Variants in CAST observed in about 807,000 individuals in gnomAD.
The protein encoded by CAST is calpastatin.
A neutral mutation model predicts 119.6 loss-of-function variants in CAST; 76 were observed. The observed-to-expected ratio is 0.64, with a 90% CI of 0.53 to 0.77. The LOEUF (loss-of-function observed/expected upper bound fraction) is 0.77, where lower values mean the gene tolerates loss of function less well. Ranked by LOEUF, CAST falls within the 30% of genes least tolerant of loss-of-function variation. The pLI is 0.00. For synonymous variants in CAST, 319 were observed against 331.6 expected (o/e 0.96, Z 0.41); for missense variants, 953 against 946.5 (o/e 1.01, Z -0.09).
At chr5:96,255,369 A>G in the CAST span, among the ~76,000 whole-genome samples, 2 of 152,172 alleles carry the variant, frequency 1.3e-5, no homozygotes, top group African/African-American at 4.8e-5. Context: ...TTATTTATTA[A>G]ACTTGCTGAA....
At chr5:96,296,466 T>C in the CAST span, among the ~76,000 whole-genome samples, 1 of 152,230 alleles carries the variant, frequency 6.6e-6, no homozygotes, top group South Asian at 2.1e-4. Flanking sequence ...TATTACTTTA[T>C]GGTTGTTGTC....
chr5:96,402,211 C>A, the CAST span, among the ~76,000 whole-genome samples: 2 of 152,140 alleles, frequency 1.3e-5, no homozygotes, highest in African/African-American at 4.8e-5. Context: ...AGTTAAAAAC[C>A]GTGTGTGATT....
the CAST span, among the ~76,000 whole-genome samples, chr5:96,137,544 T>C: frequency 1.3e-5 from 2 of 152,120 alleles, no homozygotes; most frequent in African/African-American, 2.4e-5. Context: ...TATCAGATCA[T>C]ATGGTAAGAC....
the CAST span, among the ~76,000 whole-genome samples, chr5:96,268,399 C>T: frequency 6.6e-6 from 1 of 152,034 alleles, no homozygotes; most frequent in African/African-American, 2.4e-5. Context: ...ATAGCAAAAC[C>T]CCATCTCTAC....
chr5:95,974,095 G>A, the CAST span, among the ~76,000 whole-genome samples: 1 of 151,928 alleles, frequency 6.6e-6, no homozygotes, highest in East Asian at 1.9e-4. Flanking sequence ...ATTCCCTCAA[G>A]GGGCTTTCCA....
chr5:96,023,324 G>A, the CAST span, among the ~76,000 whole-genome samples: 3 of 152,178 alleles, frequency 2.0e-5, no homozygotes, highest in Non-Finnish European at 4.4e-5. Context: ...CAGGGTGAAA[G>A]GCACTAATTT....
the CAST span, among the ~76,000 whole-genome samples, chr5:96,102,344 G>C: frequency 6.6e-6 from 1 of 152,106 alleles, no homozygotes; most frequent in Non-Finnish European, 1.5e-5. Flanking sequence ...GCTCTTCTCC[G>C]AAGTTAAGCC....
At position 96,574,091 on chromosome 5, in the gene CAST, C is replaced by T. The variant is rs1396721226; in HGVS notation, c.60+44211C>T. ...TTTGAGACGGAGTCTCGCTCTGTCG[C>T]CCAGGCCGGACTGCGGACTGCAGTG... is the stretch of plus-strand genomic sequence containing the variant. On this transcript the variant is annotated intron_variant, in intron 1 of 11. Transcript: ENST00000505143. 5.8e-4 allele frequency among the ~76,000 whole-genome samples: 2 copies of T among 3,478 alleles called. 1 individual carries two copies. The highest frequency in any genetic ancestry group is 7.2e-4 in the Non-Finnish European group (2 of 2,782). The allele number at this position is 3,478 out of a possible 152,430, so 2.3% of individuals were successfully genotyped here. A position where few individuals can be genotyped will look rare whatever the true frequency, so the allele number is the denominator to read the frequency against.
chr5:96,569,400 T>C (rs1474850713), intron 1 of CAST, among the ~76,000 whole-genome samples: 1 of 152,226 alleles, frequency 6.6e-6, no homozygotes, highest in African/African-American at 2.4e-5. Flanking sequence ...AATTTATATA[T>C]ATTTTTAAAA....
chr5:96,004,563 A>C, the CAST span, among the ~76,000 whole-genome samples: 1 of 152,174 alleles, frequency 6.6e-6, no homozygotes, highest in Non-Finnish European at 1.5e-5. Flanking sequence ...GATAACTTCA[A>C]CTCAAGTGAT....
At chr5:96,164,060 C>T in the CAST span, among the ~76,000 whole-genome samples, 2 of 152,176 alleles carry the variant, frequency 1.3e-5, no homozygotes, top group African/African-American at 2.4e-5. Flanking sequence ...AGACTAGTGC[C>T]TGACTTCAAT....
the CAST span, among the ~76,000 whole-genome samples, chr5:96,212,764 T>C: frequency 6.6e-6 from 1 of 152,186 alleles, no homozygotes; most frequent in African/African-American, 2.4e-5. Context: ...ATAACTCTGT[T>C]GCTTTTTGTA....
At chr5:96,493,337 CT>C in the CAST span, among the ~76,000 whole-genome samples, 4 of 152,144 alleles carry the variant, frequency 2.6e-5, no homozygotes, top group African/African-American at 9.7e-5. Context: ...AGATAAAGTG[CT>C]TTGCCCTCCC....
At chr5:96,711,569 T>C (rs1756161825) in intron 3 of CAST, among the ~76,000 whole-genome samples, 1 of 152,114 alleles carries the variant, frequency 6.6e-6, no homozygotes, top group South Asian at 2.1e-4. Flanking sequence ...GGTAAGGAGG[T>C]ATTGACAGTT....
chr5:96,589,759 A>G (rs933927097), intron 1 of CAST, among the ~76,000 whole-genome samples: 14 of 152,204 alleles, frequency 9.2e-5, no homozygotes, highest in African/African-American at 2.7e-4. Context: ...TTCTTTGAGT[A>G]TGTTCAATCT....
At chr5:96,256,524 G>A in the CAST span, among the ~76,000 whole-genome samples, 499 of 149,178 alleles carry the variant, frequency 3.3e-3, 5 homozygotes, top group African/African-American at 0.012. Flanking sequence ...ATGTGGGTAG[G>A]CTATATTATA....
chr5:96,459,083 T>C, the CAST span, among the ~76,000 whole-genome samples: 2 of 152,170 alleles, frequency 1.3e-5, no homozygotes, highest in African/African-American at 4.8e-5. Context: ...GCTTCTATAC[T>C]GTATACAGTT....
chr5:96,219,959 G>A, the CAST span, among the ~76,000 whole-genome samples: 9 of 152,154 alleles, frequency 5.9e-5, no homozygotes, highest in Admixed American at 3.3e-4. Flanking sequence ...ACTTTCTTTT[G>A]GAGCAGGATG....
chr5:96,136,923 G>A, the CAST span, among the ~76,000 whole-genome samples: 31 of 152,160 alleles, frequency 2.0e-4, no homozygotes, highest in South Asian at 4.1e-4. Flanking sequence ...ACTTACTTCC[G>A]AAGCTATTTG....
Sources: gnomAD v4.1 joint callset for allele counts (sites outside exome capture counted in the v4.1 genomes callset) on GRCh38, gnomAD v4.1.1 for gene constraint, MANE v1.5 for transcripts, NCBI Gene and HGNC (gene_info 2026-07-23, HGNC 2026-07-21) for gene names.